KLRD1: variants seen among roughly 807,000 people sequenced by gnomAD.
KLRD1 encodes the protein killer cell lectin like receptor D1.
In KLRD1, 21 loss-of-function variants were observed where a neutral mutation model predicts 22.6. The ratio of observed to expected loss-of-function variants is 0.93; its 90% CI spans 0.66 to 1.34. The LOEUF (loss-of-function observed/expected upper bound fraction) is 1.34, where lower values mean the gene tolerates loss of function less well. Among genes scored for constraint, KLRD1 ranks in the 40% most tolerant of loss-of-function variants. KLRD1 has a pLI of 0.00. For synonymous variants in KLRD1, 59 were observed against 71.1 expected (o/e 0.83, Z 0.85); for missense variants, 183 against 208.6 (o/e 0.88, Z 0.76).
Position 10,250,749 on chromosome 12 carries a change from T to G in KLRD1, c.-101+24516T>G, listed in dbSNP as rs183693876. On this transcript the variant is annotated intron_variant, in intron 1 of 5. Coordinates refer to the KLRD1 transcript ENST00000544747. ...ACACCCCTTTGATTATTAACTTCCA[T>G]TATATGTTGAGGCAAGTCAGTACGA... is the stretch of plus-strand genomic sequence containing the variant. 2.0e-5 allele frequency among the ~76,000 whole-genome samples: 3 copies of G among 152,276 alleles called. No homozygotes were observed. The East Asian group carries it at 5.8e-4, about 29-fold the overall frequency.
chr12:10,276,474 C>G (rs969863414), intron 1 of KLRD1, among the ~76,000 whole-genome samples: 1 of 152,048 alleles, frequency 6.6e-6, no homozygotes, highest in Non-Finnish European at 1.5e-5. Context: ...GGGCAGTGAT[C>G]AAAATTTGAA....
rs139669826 is a variant in KLRD1 at position 10,282,456 on chromosome 12, C to T, written c.-100-25522C>T. Among the ~76,000 whole-genome samples, 423 of 152,134 alleles carry T rather than the reference C, an allele frequency of 2.8e-3. 1 individual carries two copies. The highest frequency in any genetic ancestry group is 8.2e-3 in the Admixed American group (125 of 15,288). The stretch of plus-strand genomic sequence containing the variant: ...ATTTTTAGTAGAGATGGGGTTTCTC[C>T]ATGTTGGTCAGGCTGATCTCGAACT... On this transcript the variant is annotated intron_variant, in intron 1 of 5. Transcript: ENST00000544747.
rs1195187987 is a variant in KLRD1 at position 10,323,860 on chromosome 12, T to C, written c.*9067T>C. 1 of 70,508 alleles carries C rather than the reference T, an allele frequency of 1.4e-5. No homozygotes were observed. The highest frequency in any genetic ancestry group is 3.0e-5 in the Non-Finnish European group (1 of 33,586). The allele number at this position is 70,508 out of a possible 1,614,324, so 4.4% of individuals were successfully genotyped here. On this transcript the variant is annotated 3_prime_UTR_variant, in exon 6 of 6. Transcript: ENST00000336164. Reference sequence around the variant, plus strand: ...TTAATTCCCTTTTATTTCTTATTTCTTTCCTTTTTTTTTTTTTTTGAGACT... The same window carrying C: ...TTAATTCCCTTTTATTTCTTATTTCCTTCCTTTTTTTTTTTTTTTGAGACT...
rs1187653594 is a variant in KLRD1 at position 10,313,665 on chromosome 12, A to G, written c.419+152A>G. On this transcript the variant is annotated intron_variant, in intron 5 of 5. Transcript: ENST00000336164. ...AAGGAAAAAGTACAACAAAATAACAATTTTAGATCTAGGCAGATCTAAACC... is the reference window on the plus strand; with the variant it reads ...AAGGAAAAAGTACAACAAAATAACAGTTTTAGATCTAGGCAGATCTAAACC... 1.1e-5 allele frequency: 5 copies of G among 470,136 alleles called. No homozygotes were observed. The East Asian group carries it at 1.3e-4, about 13-fold the overall frequency. 29.1% of individuals were successfully genotyped at this position (470,136 alleles called of 1,614,324 possible).
intron 1 of KLRD1, among the ~76,000 whole-genome samples, chr12:10,267,121 C>G (rs963307373): frequency 2.1e-5 from 3 of 141,372 alleles, no homozygotes; most frequent in African/African-American, 7.7e-5. Flanking sequence ...TAGATCCTTA[C>G]CTCTTGTGTT....
chr12:10,292,013 G>A (rs905402809), intron 1 of KLRD1, among the ~76,000 whole-genome samples: 10 of 152,086 alleles, frequency 6.6e-5, no homozygotes, highest in Non-Finnish European at 1.3e-4. Flanking sequence ...TGGTGTATAT[G>A]TACCACATTT....
At chr12:10,301,426 C>T (rs1468318389), upstream of KLRD1, among the ~76,000 whole-genome samples, 1 of 152,182 alleles carries the variant, frequency 6.6e-6, no homozygotes, top group Non-Finnish European at 1.5e-5. Flanking sequence ...TTTCATCCCC[C>T]TTACCCTGAT....
chr12:10,252,953 G>GT (rs755657910), intron 1 of KLRD1, among the ~76,000 whole-genome samples: 6 of 22,860 alleles, frequency 2.6e-4, no homozygotes, highest in African/African-American at 3.8e-4. Context: ...GTGGGCAGTT[G>GT]TAAAAAAAAA....
chr12:10,243,033 A>G (rs1949255646), intron 1 of KLRD1, among the ~76,000 whole-genome samples: 2 of 152,166 alleles, frequency 1.3e-5, no homozygotes, highest in Admixed American at 1.3e-4. Flanking sequence ...CAAGCACAGA[A>G]AGACAAATAC....
intron 1 of KLRD1, among the ~76,000 whole-genome samples, chr12:10,270,396 T>C (rs972688294): frequency 4.6e-5 from 7 of 152,156 alleles, no homozygotes; most frequent in Admixed American, 6.5e-5. Context: ...ACCAGAGCGA[T>C]TAAATAAAGG....
At chr12:10,300,209 C>T (rs1949855275), upstream of KLRD1, among the ~76,000 whole-genome samples, 1 of 152,110 alleles carries the variant, frequency 6.6e-6, no homozygotes, top group Non-Finnish European at 1.5e-5. Flanking sequence ...TTTACTTTAT[C>T]CAGAACCATC....
intron 1 of KLRD1, among the ~76,000 whole-genome samples, chr12:10,270,560 A>G (rs1203154539): frequency 1.3e-5 from 2 of 152,186 alleles, no homozygotes; most frequent in African/African-American, 4.8e-5. Context: ...CTAAAATGTA[A>G]GTTCATGGGA....
intron 1 of KLRD1, among the ~76,000 whole-genome samples, chr12:10,262,425 A>G (rs576269968): frequency 6.6e-6 from 1 of 152,238 alleles, no homozygotes; most frequent in South Asian, 2.1e-4. Context: ...ATTGTTTTCA[A>G]TTGTCCTCCC....
At chr12:10,255,000 C>T (rs1411187016) in intron 1 of KLRD1, among the ~76,000 whole-genome samples, 1 of 149,408 alleles carries the variant, frequency 6.7e-6, no homozygotes, top group Non-Finnish European at 1.5e-5. Context: ...AAAAGCTCAA[C>T]ATCGCTGATC....
At chr12:10,260,965 C>CA (rs754538135) in intron 1 of KLRD1, among the ~76,000 whole-genome samples, 5,450 of 46,782 alleles carry the variant, frequency 0.12, 336 homozygotes, top group African/African-American at 0.22. Context: ...AACAAAAAAC[C>CA]AAAAAAAAAA....
chr12:10,253,387 C>T (rs976796273), intron 1 of KLRD1, among the ~76,000 whole-genome samples: 7 of 146,414 alleles, frequency 4.8e-5, no homozygotes, highest in Non-Finnish European at 9.0e-5. Flanking sequence ...TCTTCGGATT[C>T]GGGCATCTTT....
intron 1 of KLRD1, among the ~76,000 whole-genome samples, chr12:10,255,149 T>G (rs898186940): frequency 6.6e-6 from 1 of 152,096 alleles, no homozygotes; most frequent in Non-Finnish European, 1.5e-5. Context: ...TTAGTGGGGG[T>G]GTAAATTAGT....
rs1950351165 is a variant in KLRD1, at chr12:10,325,380, A to G, written c.*10587A>G. 2 of 152,186 alleles carry G rather than the reference A, an allele frequency of 1.3e-5. No homozygotes were observed. Among genetic ancestry groups the G allele is most frequent in the African/African-American group, 4.8e-5 (2 of 41,464 alleles). 9.4% of individuals were successfully genotyped at this position (152,186 alleles called of 1,614,324 possible). On this transcript the variant is annotated 3_prime_UTR_variant, in exon 6 of 6. Transcript: ENST00000336164. ...AATTTTATTTTATTGAGGTAAATAC[A>G]ACATAAGATCTATCCTCTTAACAAA...
In KLRD1 at chr12:10,322,404, G is replaced by T. The variant is rs1047019067; in HGVS notation, c.*7611G>T. On this transcript the variant is annotated 3_prime_UTR_variant, in exon 6 of 6. Coordinates refer to ENST00000336164, the MANE Select transcript of KLRD1 (RefSeq NM_002262.5). ...CTAGGATTATATTTCCTTCTTTGAG[G>T]TTCTATTGTTATAACCCTTATACAA... 4.6e-5 allele frequency: 7 copies of T among 152,054 alleles called. No homozygotes were observed. The highest frequency in any genetic ancestry group is 3.9e-4 in the Admixed American group (6 of 15,268). The allele number at this position is 152,054 out of a possible 1,614,324, so 9.4% of individuals were successfully genotyped here.
Sources: gnomAD v4.1 joint callset for allele counts (sites outside exome capture counted in the v4.1 genomes callset) on GRCh38, gnomAD v4.1.1 for gene constraint, MANE v1.5 for transcripts, NCBI Gene and HGNC (gene_info 2026-07-23, HGNC 2026-07-21) for gene names.